Variants in RGS22 observed in about 807,000 individuals in gnomAD.
RGS22 encodes the protein regulator of G protein signaling 22, also known as regulator of G-protein signaling 22.
Under a neutral mutation model 172.9 loss-of-function variants are expected in RGS22, and 148 were observed. The ratio of observed to expected loss-of-function variants is 0.86; its 90% CI spans 0.75 to 0.98. RGS22 has a LOEUF of 0.98. Among genes scored for constraint, RGS22 ranks in the 50% least tolerant of loss-of-function variants. The probability of loss-of-function intolerance (pLI) is 0.00; values close to 1 mark genes in which losing one functional copy is unlikely to be tolerated. For missense variants in RGS22, 1,347 were observed against 1,440.8 expected (o/e 0.93, Z 1.05); for synonymous variants, 458 against 480.2 (o/e 0.95, Z 0.60).
chr8:100,057,908 T>C (rs1257404534), intron 9 of RGS22, among the ~76,000 whole-genome samples: 2 of 152,146 alleles, frequency 1.3e-5, no homozygotes, highest in African/African-American at 4.8e-5. Flanking sequence ...CAGAGATATG[T>C]GACCTTTCAG....
intron 11 of RGS22, among the ~76,000 whole-genome samples, chr8:100,043,745 C>A (rs1820405642): frequency 6.6e-6 from 1 of 151,462 alleles, no homozygotes; most frequent in African/African-American, 2.4e-5. Flanking sequence ...CACTGCACTC[C>A]AGGCCGGGCA....
At chr8:100,034,716 T>C (rs1175609627) in intron 14 of RGS22, among the ~76,000 whole-genome samples, 1 of 152,174 alleles carries the variant, frequency 6.6e-6, no homozygotes, top group African/African-American at 2.4e-5. Flanking sequence ...CTTCAAACTA[T>C]ACTCCAAGTC....
chr8:100,006,066 A>AACTCGACAGTTAG lies in RGS22; in HGVS notation c.2404_2405insCTAACTGTCGAGT (p.Phe802SerfsTer13). On this transcript the variant is annotated frameshift_variant, in exon 16 of 28. Coordinates refer to ENST00000360863, the MANE Select transcript of RGS22 (RefSeq NM_015668.5). LOFTEE classifies it high-confidence loss of function. ...TTTATGCAAAGCCTGTAGCTTTCTG[A>AACTCGACAGTTAG]AGTATGTGGAGTCTAACTGTCGAGT... 1 of 1,613,544 alleles carries AACTCGACAGTTAG rather than the reference A, an allele frequency of 6.2e-7. No individual in the cohort carries two copies. The highest frequency in any genetic ancestry group is 8.5e-7 in the Non-Finnish European group (1 of 1,179,682).
intron 23 of RGS22, among the ~76,000 whole-genome samples, chr8:99,974,648 A>C (rs1034874733): frequency 6.6e-6 from 1 of 151,698 alleles, no homozygotes; most frequent in Non-Finnish European, 1.5e-5. Context: ...AAATACAAAA[A>C]TTAGCCAGGT....
chr8:100,011,544 C>T (rs1205006662), intron 14 of RGS22, among the ~76,000 whole-genome samples: 4 of 152,094 alleles, frequency 2.6e-5, no homozygotes, highest in Non-Finnish European at 5.9e-5. Context: ...TTATAATTAC[C>T]TATAAATGGA....
intron 6 of RGS22, among the ~76,000 whole-genome samples, chr8:100,070,149 C>A (rs186685098): frequency 1.3e-5 from 2 of 151,322 alleles, no homozygotes; most frequent in East Asian, 1.9e-4. Context: ...ATTTTAACAT[C>A]TCAGAGTTCT....
At chr8:100,077,770 C>T (rs1563707271) in intron 4 of RGS22, among the ~76,000 whole-genome samples, 1 of 152,196 alleles carries the variant, frequency 6.6e-6, no homozygotes, top group Non-Finnish European at 1.5e-5. Context: ...ACTTCCATTT[C>T]CTTACTGATC....
At chr8:99,967,448 T>C (rs1588866410) in intron 23 of RGS22, among the ~76,000 whole-genome samples, 1 of 151,892 alleles carries the variant, frequency 6.6e-6, no homozygotes, top group Non-Finnish European at 1.5e-5. Flanking sequence ...GTGGGTCCCA[T>C]CTCCAAGTAG....
rs1441168748 is a variant in RGS22, at chr8:100,072,249, A to G, written c.340-19T>C. The G allele has an allele frequency of 6.7e-7, 1 of 1,486,696 alleles. No individual in the cohort carries two copies. Among genetic ancestry groups the G allele is most frequent in the Admixed American group, 2.1e-5 (1 of 47,720 alleles). The allele number at this position is 1,486,696 out of a possible 1,614,324, so 92.1% of individuals were successfully genotyped here. A position where few individuals can be genotyped will look rare whatever the true frequency, so the allele number is the denominator to read the frequency against. On this transcript the variant is annotated intron_variant, in intron 4 of 27. Transcript: ENST00000360863. ...TGAGACACTATGAGAAGAAAGAGAA[A>G]AAGAAAAAGAAGGTCAGAGAAAATC...
At chr8:100,082,475 T>C (rs1395328194) in intron 3 of RGS22, among the ~76,000 whole-genome samples, 2 of 152,138 alleles carry the variant, frequency 1.3e-5, no homozygotes, top group Non-Finnish European at 2.9e-5. Context: ...AGTGAGAACA[T>C]GTGGTATTTG....
chr8:99,965,129 G>A (rs908686380), intron 24 of RGS22, among the ~76,000 whole-genome samples: 1 of 152,120 alleles, frequency 6.6e-6, no homozygotes, highest in Non-Finnish European at 1.5e-5. Context: ...ATCTCAAGAA[G>A]TTATTTTTCT....
At chr8:100,094,148 T>C (rs956006426) in intron 2 of RGS22, among the ~76,000 whole-genome samples, 3 of 152,218 alleles carry the variant, frequency 2.0e-5, no homozygotes, top group African/African-American at 7.2e-5. Context: ...ACTTTTCAAA[T>C]TGGCAAAATT....
intron 22 of RGS22, among the ~76,000 whole-genome samples, chr8:99,980,338 C>T (rs1368648592): frequency 6.6e-6 from 1 of 152,126 alleles, no homozygotes. Flanking sequence ...ACCCAGAGGC[C>T]AGGAGTTTCT....
chr8:99,981,052 T>C (rs1481600164), intron 22 of RGS22, among the ~76,000 whole-genome samples: 1 of 152,206 alleles, frequency 6.6e-6, no homozygotes, highest in Non-Finnish European at 1.5e-5. Flanking sequence ...CCTTTTTCCA[T>C]GCTCAAGGGC....
At chr8:99,985,499 A>C (rs1052659901) in intron 21 of RGS22, among the ~76,000 whole-genome samples, 1 of 152,146 alleles carries the variant, frequency 6.6e-6, no homozygotes, top group Non-Finnish European at 1.5e-5. Flanking sequence ...AACCATACCT[A>C]GTCAGAACAT....
chr8:99,995,621 G>A (rs894457525), intron 20 of RGS22, among the ~76,000 whole-genome samples: 1 of 152,190 alleles, frequency 6.6e-6, no homozygotes, highest in Non-Finnish European at 1.5e-5. Context: ...ACAGATGCTG[G>A]AGAGGATGTG....
chr8:100,023,331 C>T (rs1817820487), intron 14 of RGS22, among the ~76,000 whole-genome samples: 1 of 152,210 alleles, frequency 6.6e-6, no homozygotes, highest in South Asian at 2.1e-4. Context: ...TAGGACAGTA[C>T]TTCAAGGGCA....
At chr8:99,969,051 C>T (rs528228040) in intron 23 of RGS22, among the ~76,000 whole-genome samples, 186 of 152,194 alleles carry the variant, frequency 1.2e-3, no homozygotes, top group African/African-American at 4.3e-3. Context: ...CGGCAGAAAC[C>T]CCATAGGGTA....
chr8:100,080,010 T>C, intron 4 of RGS22, 124 bp downstream of exon 4: 1 of 668,268 alleles, frequency 1.5e-6, no homozygotes, highest in Non-Finnish European at 2.5e-6. Context: ...ACAAATACTA[T>C]GTGTACGTAC....
Sources: gnomAD v4.1 joint callset for allele counts (sites outside exome capture counted in the v4.1 genomes callset) on GRCh38, gnomAD v4.1.1 for gene constraint, MANE v1.5 for transcripts, NCBI Gene and HGNC (gene_info 2026-07-23, HGNC 2026-07-21) for gene names.